Variants in TBL3 observed in about 807,000 individuals in gnomAD.
The protein encoded by TBL3 is transducin beta-like protein 3.
A neutral mutation model predicts 102.7 loss-of-function variants in TBL3; 71 were observed. That is an observed-to-expected ratio of 0.69 (90% confidence interval 0.57 to 0.84). The LOEUF is 0.84. Among genes scored for constraint, TBL3 ranks in the 40% least tolerant of loss-of-function variants. The pLI, the probability that TBL3 is intolerant of heterozygous loss-of-function variation, is 0.00. For synonymous variants in TBL3, 578 were observed against 477.7 expected, an observed-to-expected ratio of 1.21 and a Z score of -2.74; for missense variants, 1,188 against 1,098.5, an observed-to-expected ratio of 1.08 and a Z score of -1.15.
intron 1 of TBL3, among the ~76,000 whole-genome samples, chr16:1,973,830 C>T (rs2083377377): frequency 6.6e-6 from 1 of 152,184 alleles, no homozygotes; most frequent in Non-Finnish European, 1.5e-5. Context: ...CCCCCTACTG[C>T]CTCAGGGATC....
Position 1,975,066 on chromosome 16 carries a change from G to A in TBL3, c.603G>A (p.Leu201=). The A allele has an allele frequency of 1.2e-6, 2 of 1,609,170 alleles. No individual in the cohort carries two copies. Among genetic ancestry groups the A allele is most frequent in the Admixed American group, 1.7e-5 (1 of 60,012 alleles). The change falls in exon 7 of 22, where the codon CTG becomes CTA. Residue 201 remains leucine (L), a synonymous_variant. Coordinates refer to ENST00000568546, the MANE Select transcript of TBL3 (RefSeq NM_006453.3). The stretch of plus-strand genomic sequence containing the variant: ...CCCACTACAGCGCCGTCACCTCACT[G>A]GCCTTCAGCGCCGACGGCCACACCA... ...LTAHYSAVTS[L]AFSADGHTML...
chr16:1,981,122 T>C lies in TBL3; in HGVS notation c.*2437T>C. On this transcript the variant is annotated 3_prime_UTR_variant, in exon 22 of 22. Transcript: ENST00000568546. ...ACCCAGCCAGGTCTTACTTGGAGCC[T>C]CTTGATCTGCACCAGGGCTGCCCCT... 1 of 1,613,422 alleles carries C rather than the reference T, an allele frequency of 6.2e-7. No individual in the cohort carries two copies. Among genetic ancestry groups the C allele is most frequent in the South Asian group, 1.1e-5 (1 of 91,082 alleles).
Position 1,974,237 on chromosome 16 carries a change from C to T in TBL3, c.134C>T (p.Thr45Ile). The T allele has an allele frequency of 6.2e-7, 1 of 1,603,868 alleles. No individual in the cohort carries two copies. Among genetic ancestry groups the T allele is most frequent in the East Asian group, 2.2e-5 (1 of 44,732 alleles). ...TGQHLFCVCG[T>I]RVNILEVASG... ...CAGCACCTCTTCTGCGTCTGTGGCA[C>T]CAGAGTCAACATTCTGGAAGTGGCC... Residue 45 changes from threonine (T) to isoleucine (I), a missense_variant, in exon 3 of 22, where the codon ACC (threonine) becomes ATC (isoleucine). Coordinates refer to ENST00000568546, the MANE Select transcript of TBL3 (RefSeq NM_006453.3).
Position 1,977,259 on chromosome 16 carries a change from C to T in TBL3, c.1646C>T (p.Ala549Val). The change falls in exon 15 of 22, where the codon GCA becomes GTA. Residue 549 changes from alanine to valine, a missense_variant. Transcript: ENST00000568546. ...ASADGTIKLWALQDFSCLKTF... is the reference protein window; with the variant it reads ...ASADGTIKLWVLQDFSCLKTF... ...GCTGATGGCACCATCAAGCTCTGGG[C>T]ACTCCAGGACTTCAGCTGTCTCAAG... 2.5e-6 allele frequency: 4 copies of T among 1,613,310 alleles called. No homozygotes were observed. Among genetic ancestry groups the T allele is most frequent in the Non-Finnish European group, 2.5e-6 (3 of 1,179,952 alleles).
chr16:1,980,534 CAG>C lies in TBL3; in HGVS notation c.*1850_*1851del, dbSNP rs766074843. 1 of 1,603,772 alleles carries C rather than the reference CAG, an allele frequency of 6.2e-7. No homozygotes were observed. Among genetic ancestry groups the C allele is most frequent in the Non-Finnish European group, 8.5e-7 (1 of 1,178,212 alleles). ...GGCTCGTGCGCCCCACGCGTCCCAA[CAG>C]TGGTGCATCTTAAGGCACCACAAAA... is the stretch of plus-strand genomic sequence containing the variant. On this transcript the variant is annotated 3_prime_UTR_variant, in exon 22 of 22. Coordinates refer to ENST00000568546, the MANE Select transcript of TBL3 (RefSeq NM_006453.3).
chr16:1,973,915 C>G (rs1597047374), intron 1 of TBL3, 141 bp from the exon 2 acceptor site: 1 of 864,450 alleles, frequency 1.2e-6, no homozygotes. Flanking sequence ...TGGTTCCACC[C>G]CATGCCCTGT....
Position 1,980,231 on chromosome 16 carries a change from A to T in TBL3, c.*1546A>T, listed in dbSNP as rs369956618. The T allele has an allele frequency of 5.8e-5, 89 of 1,545,568 alleles. No homozygotes were observed. Among genetic ancestry groups the T allele is most frequent in the Non-Finnish European group, 7.5e-5 (86 of 1,146,630 alleles). Reference sequence around the variant, plus strand: ...GAGAGGTAGGCGGATGGGGAGGGTGAAACTGGGGGCGCCACCCCGGCAAGA... The same window carrying T: ...GAGAGGTAGGCGGATGGGGAGGGTGTAACTGGGGGCGCCACCCCGGCAAGA... On this transcript the variant is annotated 3_prime_UTR_variant, in exon 22 of 22. Coordinates refer to ENST00000568546, the MANE Select transcript of TBL3 (RefSeq NM_006453.3).
chr16:1,977,314 C>T (rs906721331), intron 15 of TBL3, 30 bp downstream of exon 15: 5 of 1,613,176 alleles, frequency 3.1e-6, no homozygotes, highest in Non-Finnish European at 4.2e-6. Flanking sequence ...CTCCCCACTT[C>T]CCGCCCTGGT....
rs774063121 is a variant in TBL3, at chr16:1,977,244, C to T, written c.1631C>T (p.Thr544Ile). 1.9e-6 allele frequency: 3 copies of T among 1,613,276 alleles called. No homozygotes were observed. Among genetic ancestry groups the T allele is most frequent in the Middle Eastern group, 1.6e-4 (1 of 6,062 alleles). ...CTGGCCACGGCCTCAGCTGATGGCA[C>T]CATCAAGCTCTGGGCACTCCAGGAC... ...QVLATASADGTIKLWALQDFS... is the reference protein window; with the variant it reads ...QVLATASADGIIKLWALQDFS... Residue 544 changes from threonine to isoleucine, a missense_variant, in exon 15 of 22, where the codon ACC (threonine) becomes ATC (isoleucine). Transcript: ENST00000568546.
In TBL3 at chr16:1,978,377, C is replaced by G; in HGVS notation, c.2199C>G (p.Ala733=). Residue 733 remains alanine (A), a synonymous_variant, in exon 21 of 22, where the codon GCC becomes GCG. Transcript: ENST00000568546. ...TNSRHCHEAQ[A]VLGVLLRREA... The stretch of plus-strand genomic sequence containing the variant: ...CGCGGCACTGCCACGAGGCCCAGGC[C>G]GTGCTGGGTGTGCTCTTGAGGCGAG... 1 of 1,611,396 alleles carries G rather than the reference C, an allele frequency of 6.2e-7. No homozygotes were observed. The highest frequency in any genetic ancestry group is 8.5e-7 in the Non-Finnish European group (1 of 1,178,924).
chr16:1,973,435 C>T (rs1490251915), intron 1 of TBL3, among the ~76,000 whole-genome samples: 1 of 152,062 alleles, frequency 6.6e-6, no homozygotes. Flanking sequence ...GATCGAGACC[C>T]CTTCTCAAAA....
Position 1,974,584 on chromosome 16 carries a change from G to A in TBL3, c.284G>A (p.Trp95Ter). The A allele has an allele frequency of 6.2e-7, 1 of 1,611,286 alleles. No homozygotes were observed. The highest frequency in any genetic ancestry group is 8.5e-7 in the Non-Finnish European group (1 of 1,178,526). The change falls in exon 5 of 22, where the codon TGG becomes TAG. Residue 95 changes from tryptophan (W) to a stop codon, truncating the protein, a stop_gained. Transcript: ENST00000568546. LOFTEE classifies it high-confidence loss of function. ...SRALLLAQWA[W>*]QEGSVTRLWK... ...GCATTGCTGCTGGCTCAGTGGGCCT[G>A]GCAAGAGGGCAGCGTTACCCGCCTG...
rs748174250 is a variant in TBL3 at position 1,974,597 on chromosome 16, C to T, written c.297C>T (p.Ser99=). Residue 99 remains serine, a synonymous_variant, in exon 5 of 22, where the codon AGC becomes AGT. Coordinates refer to ENST00000568546, the MANE Select transcript of TBL3 (RefSeq NM_006453.3). ...CTCAGTGGGCCTGGCAAGAGGGCAG[C>T]GTTACCCGCCTGTGGAAGGCGATAC... ...LLAQWAWQEG[S]VTRLWKAIHT... is the part of the protein sequence containing the mutation. The T allele has an allele frequency of 1.2e-5, 19 of 1,609,536 alleles. No homozygotes were observed. The highest frequency in any genetic ancestry group is 6.6e-5 in the South Asian group (6 of 90,952).
rs2083405819 is a variant in TBL3 at position 1,976,825 on chromosome 16, C to T, written c.1304C>T (p.Ser435Phe). The change falls in exon 14 of 22, where the codon TCC (serine) becomes TTC (phenylalanine). Residue 435 changes from serine (S) to phenylalanine (F), a missense_variant. Physicochemically the swap from Ser to Phe is radical, Grantham distance 155. Coordinates refer to ENST00000568546, the MANE Select transcript of TBL3 (RefSeq NM_006453.3). ...GTVCCSRLKE[S>F]FLVTGSQDCT... is the part of the protein sequence containing the mutation. ...CTGTTGGGTCACAGGCTGAAGGAGT[C>T]CTTCCTGGTGACAGGCAGCCAGGAC... 4 of 1,613,462 alleles carry T rather than the reference C, an allele frequency of 2.5e-6. No individual in the cohort carries two copies. The highest frequency in any genetic ancestry group is 1.3e-5 in the African/African-American group (1 of 74,914).
At position 1,979,848 on chromosome 16, in the gene TBL3, G is replaced by GT; in HGVS notation, c.*1164dup. On this transcript the variant is annotated 3_prime_UTR_variant, in exon 22 of 22. Coordinates refer to ENST00000568546, the MANE Select transcript of TBL3 (RefSeq NM_006453.3). ...CTTGGCCCGGGGCCGCCTCCTCCAG[G>GT]TAGGGCGCTGGAAACCAGGCGGTCT... The GT allele has an allele frequency of 6.3e-6, 10 of 1,580,564 alleles. No homozygotes were observed. Among genetic ancestry groups the GT allele is most frequent in the Non-Finnish European group, 8.6e-6 (10 of 1,164,570 alleles).
rs1240014231 is a variant in TBL3, at chr16:1,982,619, C to A, written c.*3934C>A. On this transcript the variant is annotated 3_prime_UTR_variant, in exon 22 of 22. Coordinates refer to ENST00000568546, the MANE Select transcript of TBL3 (RefSeq NM_006453.3). The stretch of plus-strand genomic sequence containing the variant: ...CCTCCATCTGTATGCTCCTCACTTG[C>A]CCCTACAAAATCCACTCCAAGGACA... 6.6e-6 allele frequency: 1 copy of A among 152,302 alleles called. No individual in the cohort carries two copies. The highest frequency in any genetic ancestry group is 2.1e-4 in the South Asian group (1 of 4,834). 9.4% of individuals were successfully genotyped at this position (152,302 alleles called of 1,614,324 possible).
chr16:1,979,070 G>T lies in TBL3; in HGVS notation c.*385G>T. 1 of 1,540,888 alleles carries T rather than the reference G, an allele frequency of 6.5e-7. No individual in the cohort carries two copies. Among genetic ancestry groups the T allele is most frequent in the Admixed American group, 2.0e-5 (1 of 49,486 alleles). On this transcript the variant is annotated 3_prime_UTR_variant, in exon 22 of 22. Coordinates refer to ENST00000568546, the MANE Select transcript of TBL3 (RefSeq NM_006453.3). ...CTCGCGCTCACTGCTCCGTCGTGGG[G>T]TGCGGCACAGAGTCCACGCACCCTC... is the stretch of plus-strand genomic sequence containing the variant.
At chr16:1,976,717 G>T in intron 13 of TBL3, 97 bp from the exon 14 acceptor site, 1 of 1,497,170 alleles carries the variant, frequency 6.7e-7, no homozygotes, top group Non-Finnish European at 9.1e-7. Flanking sequence ...AGGCCCCGTG[G>T]TCTGGACCGT....
At position 1,980,868 on chromosome 16, in the gene TBL3, G is replaced by C; in HGVS notation, c.*2183G>C. 1 of 1,145,594 alleles carries C rather than the reference G, an allele frequency of 8.7e-7. No individual in the cohort carries two copies. Among genetic ancestry groups the C allele is most frequent in the Non-Finnish European group, 1.2e-6 (1 of 832,692 alleles). 71.0% of individuals were successfully genotyped at this position (1,145,594 alleles called of 1,614,324 possible). A position where few individuals can be genotyped will look rare whatever the true frequency, so the allele number is the denominator to read the frequency against. On this transcript the variant is annotated 3_prime_UTR_variant, in exon 22 of 22. Transcript: ENST00000568546. ...CCTCCAGTGGGAGTCACTGATGGGA[G>C]GCAGTCCAGTGGGAGGCAGCCGCGT...
Sources: allele counts gnomAD v4.1 joint callset (sites outside exome capture counted in the v4.1 genomes callset), GRCh38; gene constraint gnomAD v4.1.1; transcripts MANE v1.5; gene names NCBI Gene and HGNC (gene_info 2026-07-23, HGNC 2026-07-21).